Variants in STPG2 observed in about 807,000 individuals in gnomAD.
The protein encoded by STPG2 is sperm tail PG-rich repeat containing 2, also known as sperm-tail PG-rich repeat-containing protein 2.
Under a neutral mutation model 54.2 loss-of-function variants are expected in STPG2, and 56 were observed. The ratio of observed to expected loss-of-function variants is 1.03; its 90% CI spans 0.83 to 1.29. The LOEUF is 1.29. Ranked by LOEUF, STPG2 falls within the 50% of genes most tolerant of loss-of-function variation. The probability of loss-of-function intolerance (pLI) is 0.00; values close to 1 mark genes in which losing one functional copy is unlikely to be tolerated. For missense variants in STPG2, 596 were observed against 544.9 expected (o/e 1.09, Z -0.93); for synonymous variants, 200 against 181.8 (o/e 1.10, Z -0.81).
At chr4:97,535,664 T>C (rs1731512025) in intron 4 of STPG2, among the ~76,000 whole-genome samples, 2 of 152,200 alleles carry the variant, frequency 1.3e-5, no homozygotes, top group Admixed American at 1.3e-4. Context: ...CTCTGACTGA[T>C]TTCAGATATT....
At chr4:97,561,107 C>A (rs1303118997) in intron 10 of STPG2, among the ~76,000 whole-genome samples, 1 of 152,030 alleles carries the variant, frequency 6.6e-6, no homozygotes, top group Non-Finnish European at 1.5e-5. Context: ...TCCTCTCCAG[C>A]ACCTGTTGTT....
At chr4:97,769,362 C>T (rs1726156051) in intron 9 of STPG2, among the ~76,000 whole-genome samples, 1 of 152,158 alleles carries the variant, frequency 6.6e-6, no homozygotes, top group Admixed American at 6.5e-5. Flanking sequence ...AGCTGATTCC[C>T]AGACATGTGA....
intron 9 of STPG2, among the ~76,000 whole-genome samples, chr4:97,820,943 G>A (rs1289642856): frequency 1.3e-5 from 2 of 152,094 alleles, no homozygotes; most frequent in Non-Finnish European, 2.9e-5. Context: ...TCCAAACTAT[G>A]GCATTTCGCC....
At chr4:97,750,552 T>G (rs1725552181) in intron 9 of STPG2, among the ~76,000 whole-genome samples, 1 of 151,606 alleles carries the variant, frequency 6.6e-6, no homozygotes, top group Admixed American at 6.6e-5. Context: ...ATGTAACTGA[T>G]GTTAAGGGAG....
intron 7 of STPG2, among the ~76,000 whole-genome samples, chr4:97,962,474 A>G (rs1453046591): frequency 5.9e-5 from 9 of 152,222 alleles, no homozygotes; most frequent in African/African-American, 1.9e-4. Flanking sequence ...TTGATACTGC[A>G]ATTAAACACA....
rs186758150 is a variant in STPG2, at chr4:97,796,796, T to C, written c.1204+43977A>G. ...AATCTGTAAATTACTTTGGGCAGTA[T>C]GGTCATTTTCATGATTCTTCCTATC... On this transcript the variant is annotated intron_variant, in intron 9 of 10. Coordinates refer to ENST00000295268, the MANE Select transcript of STPG2 (RefSeq NM_174952.3). Among the ~76,000 whole-genome samples the C allele has an allele frequency of 2.5e-4, 38 of 152,344 alleles. No individual in the cohort carries two copies. The East Asian group carries it at 7.1e-3, about 29-fold the overall frequency.
intron 9 of STPG2, among the ~76,000 whole-genome samples, chr4:97,829,797 G>T (rs1264169487): frequency 6.6e-6 from 1 of 151,972 alleles, no homozygotes; most frequent in Non-Finnish European, 1.5e-5. Flanking sequence ...TCAACTTAAT[G>T]AAATTAAGCG....
chr4:98,077,696 T>TA (rs1738216648), intron 5 of STPG2, among the ~76,000 whole-genome samples: 1 of 152,206 alleles, frequency 6.6e-6, no homozygotes, highest in Non-Finnish European at 1.5e-5. Flanking sequence ...ATAAAAATGC[T>TA]AAAAATGTAT....
At chr4:97,746,905 C>T (rs1053360883) in intron 9 of STPG2, among the ~76,000 whole-genome samples, 1 of 150,942 alleles carries the variant, frequency 6.6e-6, no homozygotes, top group African/African-American at 2.4e-5. Context: ...TAGAACAGTG[C>T]CTTTCTAATA....
intron 9 of STPG2, among the ~76,000 whole-genome samples, chr4:97,806,433 A>C (rs1727568605): frequency 6.6e-6 from 1 of 152,166 alleles, no homozygotes; most frequent in Non-Finnish European, 1.5e-5. Flanking sequence ...CCTGGGTGAC[A>C]GGATCATTCA....
At chr4:98,068,884 A>G (rs1418944789) in intron 5 of STPG2, among the ~76,000 whole-genome samples, 1 of 152,064 alleles carries the variant, frequency 6.6e-6, no homozygotes, top group Non-Finnish European at 1.5e-5. Context: ...ACACAATAGT[A>G]TTTGTGTATC....
At chr4:97,748,142 A>G (rs534516924) in intron 9 of STPG2, among the ~76,000 whole-genome samples, 11 of 151,630 alleles carry the variant, frequency 7.3e-5, no homozygotes, top group African/African-American at 2.4e-4. Context: ...TGAGGTTGAC[A>G]GATCAGAAAG....
At chr4:97,453,556 C>T (rs1243798194) in intron 4 of STPG2, among the ~76,000 whole-genome samples, 1 of 152,180 alleles carries the variant, frequency 6.6e-6, no homozygotes, top group Non-Finnish European at 1.5e-5. Flanking sequence ...GGATACTGAT[C>T]TGCTGAAATT....
chr4:97,513,247 G>A (rs1018776448), intron 4 of STPG2, among the ~76,000 whole-genome samples: 1 of 152,072 alleles, frequency 6.6e-6, no homozygotes, highest in Non-Finnish European at 1.5e-5. Context: ...CAGCTTTCAT[G>A]GCTTCTCTAG....
At chr4:97,780,963 C>A (rs1726583869) in intron 9 of STPG2, among the ~76,000 whole-genome samples, 1 of 151,872 alleles carries the variant, frequency 6.6e-6, no homozygotes, top group Non-Finnish European at 1.5e-5. Context: ...GCACTAAATG[C>A]CCACAAGAGA....
chr4:97,970,197 T>C (rs1170260203), intron 7 of STPG2, among the ~76,000 whole-genome samples: 4 of 152,106 alleles, frequency 2.6e-5, no homozygotes, highest in South Asian at 2.1e-4. Context: ...TGCTCATGGG[T>C]AGGAAGAATC....
intron 9 of STPG2, among the ~76,000 whole-genome samples, chr4:97,768,724 A>G (rs1726132595): frequency 6.6e-6 from 1 of 151,762 alleles, no homozygotes; most frequent in South Asian, 2.1e-4. Flanking sequence ...TTTCCCAAGA[A>G]GGAGTCTTGC....
intron 9 of STPG2, among the ~76,000 whole-genome samples, chr4:97,767,910 G>A (rs1173296598): frequency 6.6e-6 from 1 of 152,184 alleles, no homozygotes; most frequent in Non-Finnish European, 1.5e-5. Flanking sequence ...GCTCACGCCT[G>A]TAATCCCAGC....
At chr4:98,030,091 A>G (rs1301599398) in intron 5 of STPG2, among the ~76,000 whole-genome samples, 1 of 152,180 alleles carries the variant, frequency 6.6e-6, no homozygotes, top group Non-Finnish European at 1.5e-5. Context: ...TTAATCTTCC[A>G]TTATCCGGTT....
Sources: allele counts gnomAD v4.1 joint callset (sites outside exome capture counted in the v4.1 genomes callset), GRCh38; gene constraint gnomAD v4.1.1; transcripts MANE v1.5; gene names NCBI Gene and HGNC (gene_info 2026-07-23, HGNC 2026-07-21).